The following GLRA2 variants were observed in gnomAD, a reference collection of about 807,000 sequenced individuals.
GLRA2 encodes the protein glycine receptor alpha 2.
Under a neutral mutation model 31.6 loss-of-function variants are expected in GLRA2, and 11 were observed. That is an observed-to-expected ratio of 0.35 (90% CI 0.22 to 0.58). GLRA2 has a LOEUF of 0.58. Ranked by LOEUF, GLRA2 falls within the 20% of genes least tolerant of loss-of-function variation. The pLI is 0.84. For missense variants in GLRA2, 212 were observed against 351.8 expected (o/e 0.60, Z 3.18); for synonymous variants, 132 against 134.0 (o/e 0.99, Z 0.10).
intron 2 of GLRA2, among the ~76,000 whole-genome samples, chrX:14,552,578 T>C (rs746986148): frequency 3.6e-5 from 4 of 112,567 alleles, no homozygotes; most frequent in African/African-American, 1.3e-4. Flanking sequence ...CTACACCTTA[T>C]GGTGGCCTAG....
chrX:14,464,902 G>A, the GLRA2 span, among the ~76,000 whole-genome samples: 5 of 112,080 alleles, frequency 4.5e-5, no homozygotes, highest in African/African-American at 1.3e-4. Flanking sequence ...GGTTGCTATA[G>A]CTTTGTAGTA....
Position 14,645,999 on chromosome X carries a change from G to A in GLRA2, c.930+36794G>A, listed in dbSNP as rs778206109. Among the ~76,000 whole-genome samples the A allele has an allele frequency of 1.4e-3, 160 of 112,043 alleles. 1 individual carries two copies. The highest frequency in any genetic ancestry group is 5.0e-3 in the African/African-American group (155 of 30,867). ...GTGGAGACAGTTGGACAATGCTCCA[G>A]AAGACCATGATTAAGTAGTTAGGGA... is the stretch of plus-strand genomic sequence containing the variant. On this transcript the variant is annotated intron_variant, in intron 7 of 8. Coordinates refer to ENST00000218075, the MANE Select transcript of GLRA2 (RefSeq NM_002063.4).
the GLRA2 span, among the ~76,000 whole-genome samples, chrX:14,451,889 G>A: frequency 2.7e-5 from 3 of 110,782 alleles, no homozygotes; most frequent in Admixed American, 1.9e-4. Flanking sequence ...TAATGATAAA[G>A]GGTTGAATTC....
the GLRA2 span, among the ~76,000 whole-genome samples, chrX:14,486,867 GAAATA>G: frequency 9.0e-6 from 1 of 111,285 alleles, no homozygotes; most frequent in African/African-American, 3.3e-5. Context: ...CATGTAAAAT[GAAATA>G]AAATTTTGTT....
intron 7 of GLRA2, among the ~76,000 whole-genome samples, chrX:14,680,411 C>A (rs944398589): frequency 7.1e-5 from 8 of 112,136 alleles, no homozygotes; most frequent in African/African-American, 2.6e-4. Context: ...TTAATCATAA[C>A]AGCACTTTGA....
intron 2 of GLRA2, among the ~76,000 whole-genome samples, chrX:14,545,407 G>A (rs1470223061): frequency 9.0e-6 from 1 of 111,163 alleles, no homozygotes; most frequent in Non-Finnish European, 1.9e-5. Context: ...CTATGACAAT[G>A]ACATTAATCC....
At chrX:14,696,219 CGAGGGAGG>C (rs1200899310) in intron 8 of GLRA2, among the ~76,000 whole-genome samples, 9 of 34,937 alleles carry the variant, frequency 2.6e-4, no homozygotes, top group Non-Finnish European at 3.5e-4. Context: ...AGGGAGAGTG[CGAGGGAGG>C]GAGGGAGGGA....
At chrX:14,551,820 T>C (rs754953860) in intron 2 of GLRA2, among the ~76,000 whole-genome samples, 1 of 111,498 alleles carries the variant, frequency 9.0e-6, no homozygotes, top group Non-Finnish European at 1.9e-5. Context: ...ATGAAGTCTA[T>C]AATTTATTCT....
Position 14,664,559 on chromosome X carries a change from T to C in GLRA2, c.931-26151T>C, listed in dbSNP as rs146777646. Among the ~76,000 whole-genome samples the C allele has an allele frequency of 3.4e-3, 379 of 112,071 alleles. 1 individual carries two copies. Among genetic ancestry groups the C allele is most frequent in the African/African-American group, 0.012 (365 of 30,875 alleles). ...GCTGTCAGCTTACTAGAGATTTCCA[T>C]AGATATTTTCTCAAACTTGCACAAC... On this transcript the variant is annotated intron_variant, in intron 7 of 8. Coordinates refer to ENST00000218075, the MANE Select transcript of GLRA2 (RefSeq NM_002063.4).
chrX:14,513,576 C>A, the GLRA2 span, among the ~76,000 whole-genome samples: 4 of 110,742 alleles, frequency 3.6e-5, no homozygotes, highest in Admixed American at 9.6e-5. Flanking sequence ...ATAAAAAAAC[C>A]GAACAATCCC....
chrX:14,730,804 C>T lies in GLRA2; in HGVS notation c.*319C>T, dbSNP rs772742798. The T allele has an allele frequency of 3.6e-4, 71 of 198,983 alleles. No individual in the cohort carries two copies. Among genetic ancestry groups the T allele is most frequent in the Non-Finnish European group, 5.6e-4 (61 of 108,716 alleles). The allele number at this position is 198,983 out of a possible 1,213,427, so 16.4% of individuals were successfully genotyped here. On this transcript the variant is annotated 3_prime_UTR_variant, in exon 9 of 9. Coordinates refer to ENST00000218075, the MANE Select transcript of GLRA2 (RefSeq NM_002063.4). ...ATGCGCATCATTCAGACATGATATGCGGGGTCAAGTTCTTAAGGGCTGTTT... is the reference window on the plus strand; with the variant it reads ...ATGCGCATCATTCAGACATGATATGTGGGGTCAAGTTCTTAAGGGCTGTTT...
intron 7 of GLRA2, among the ~76,000 whole-genome samples, chrX:14,613,731 G>A (rs1325166730): frequency 9.0e-6 from 1 of 111,023 alleles, no homozygotes; most frequent in Non-Finnish European, 1.9e-5. Context: ...ATACACGTGT[G>A]TGTTTTTTTT....
At chrX:14,695,659 C>T (rs375047061) in intron 8 of GLRA2, among the ~76,000 whole-genome samples, 1 of 111,952 alleles carries the variant, frequency 8.9e-6, no homozygotes, top group Admixed American at 9.4e-5. Context: ...AGTCTGTGTG[C>T]TTCACCATTG....
At chrX:14,528,253 T>C (rs1456281218), upstream of GLRA2, among the ~76,000 whole-genome samples, 1 of 112,352 alleles carries the variant, frequency 8.9e-6, no homozygotes. Flanking sequence ...TATATTAACA[T>C]TAAAAGGTAA....
the GLRA2 span, among the ~76,000 whole-genome samples, chrX:14,473,995 T>C: frequency 1.8e-5 from 2 of 111,364 alleles, no homozygotes; most frequent in Admixed American, 9.6e-5. Context: ...GGGATCCAGA[T>C]TGATAATGAG....
chrX:14,615,527 G>C (rs915197274), intron 7 of GLRA2, among the ~76,000 whole-genome samples: 3 of 110,987 alleles, frequency 2.7e-5, no homozygotes, highest in African/African-American at 9.8e-5. Context: ...AGGGAAGAAT[G>C]GGTGGGTGAA....
intron 7 of GLRA2, among the ~76,000 whole-genome samples, chrX:14,621,245 T>C (rs1469889674): frequency 9.0e-6 from 1 of 111,164 alleles, no homozygotes; most frequent in East Asian, 2.9e-4. Context: ...CACATTAGAA[T>C]CAGTTGAGGA....
intron 2 of GLRA2, among the ~76,000 whole-genome samples, chrX:14,554,933 CAG>C (rs2089621253): frequency 8.9e-6 from 1 of 111,989 alleles, no homozygotes; most frequent in Admixed American, 9.4e-5. Flanking sequence ...CCCATAGAAT[CAG>C]AGTCTGATAA....
chrX:14,527,107 G>T (rs1487605058), upstream of GLRA2, among the ~76,000 whole-genome samples: 1 of 111,798 alleles, frequency 8.9e-6, no homozygotes, highest in Admixed American at 9.5e-5. Flanking sequence ...TTCACTGGCA[G>T]ACTTAGTGAG....
Sources: allele counts gnomAD v4.1 joint callset (sites outside exome capture counted in the v4.1 genomes callset), GRCh38; gene constraint gnomAD v4.1.1; transcripts MANE v1.5; gene names NCBI Gene and HGNC (gene_info 2026-07-23, HGNC 2026-07-21).